Variants in PTPRT observed in about 807,000 individuals in gnomAD.
The protein encoded by PTPRT is receptor-type tyrosine-protein phosphatase T.
A neutral mutation model predicts 176.8 loss-of-function variants in PTPRT; 56 were observed. That is an observed-to-expected ratio of 0.32 (90% CI 0.26 to 0.40). The LOEUF is 0.40. PTPRT is among the 10% of genes least tolerant of loss of function. The probability of loss-of-function intolerance (pLI) is 1.00; values close to 1 mark genes in which losing one functional copy is unlikely to be tolerated. For missense variants in PTPRT, 1,540 were observed against 1,908.2 expected (o/e 0.81, Z 3.60); for synonymous variants, 783 against 739.0 (o/e 1.06, Z -0.96).
chr20:42,819,372 G>A (rs918950855), intron 2 of PTPRT, among the ~76,000 whole-genome samples: 13 of 152,288 alleles, frequency 8.5e-5, no homozygotes, highest in Middle Eastern at 3.4e-3. Context: ...GTTACCACCA[G>A]GCCTGCCATC....
At chr20:42,647,541 C>A (rs1029804817) in intron 7 of PTPRT, among the ~76,000 whole-genome samples, 3 of 152,082 alleles carry the variant, frequency 2.0e-5, no homozygotes, top group Admixed American at 6.6e-5. Context: ...TGAAACCATC[C>A]AATTTGCAAG....
intron 1 of PTPRT, among the ~76,000 whole-genome samples, chr20:43,157,039 T>C (rs909742729): frequency 4.6e-5 from 7 of 152,010 alleles, no homozygotes; most frequent in African/African-American, 9.7e-5. Flanking sequence ...TTTTAAGCCA[T>C]TGGGACACAG....
chr20:42,648,503 T>C (rs1391545163), intron 7 of PTPRT, among the ~76,000 whole-genome samples: 1 of 152,060 alleles, frequency 6.6e-6, no homozygotes, highest in African/African-American at 2.4e-5. Context: ...GGTTCTATCA[T>C]TAAGTGAGAA....
intron 1 of PTPRT, among the ~76,000 whole-genome samples, chr20:43,180,010 A>G (rs1363099473): frequency 6.6e-6 from 1 of 152,192 alleles, no homozygotes; most frequent in African/African-American, 2.4e-5. Flanking sequence ...AGAGATCAGC[A>G]TTTGCACTGG....
chr20:42,844,091 G>A (rs1246082816), intron 2 of PTPRT, among the ~76,000 whole-genome samples: 1 of 152,200 alleles, frequency 6.6e-6, no homozygotes, highest in Non-Finnish European at 1.5e-5. Flanking sequence ...GAGCATCAGA[G>A]AAGGAAAGGC....
At chr20:42,948,028 C>A (rs1174342584) in intron 1 of PTPRT, among the ~76,000 whole-genome samples, 1 of 152,190 alleles carries the variant, frequency 6.6e-6, no homozygotes, top group African/African-American at 2.4e-5. Flanking sequence ...CCCCACTTGA[C>A]TTCTGCAAGG....
intron 2 of PTPRT, among the ~76,000 whole-genome samples, chr20:42,817,724 C>T (rs2145642427): frequency 6.6e-6 from 1 of 152,292 alleles, no homozygotes; most frequent in East Asian, 1.9e-4. Context: ...CAAGATTTGT[C>T]CCCACAGCCC....
intron 12 of PTPRT, among the ~76,000 whole-genome samples, chr20:42,305,096 T>C (rs2057524690): frequency 6.6e-6 from 1 of 152,324 alleles, no homozygotes; most frequent in South Asian, 2.1e-4. Flanking sequence ...CTCCTGCTTG[T>C]AATCCCAGCA....
intron 9 of PTPRT, among the ~76,000 whole-genome samples, chr20:42,434,982 A>G (rs1568875722): frequency 6.7e-6 from 1 of 150,344 alleles, no homozygotes; most frequent in East Asian, 1.9e-4. Flanking sequence ...AAAACAAAAA[A>G]CAAAAAACAA....
chr20:42,829,947 G>A (rs1033396787), intron 2 of PTPRT, among the ~76,000 whole-genome samples: 2 of 151,958 alleles, frequency 1.3e-5, no homozygotes, highest in African/African-American at 4.8e-5. Context: ...AAATTGAATT[G>A]GTAATAAATA....
Position 42,299,927 on chromosome 20 carries a change from G to A in PTPRT, c.2139+15796C>T, listed in dbSNP as rs186903812. ...CTCCCAAAGTGCTGGGATTACAGGC[G>A]TGAGCCACCGCACCCGGCCACTTTT... On this transcript the variant is annotated intron_variant, in intron 12 of 30. Coordinates refer to ENST00000373187, the MANE Select transcript of PTPRT (RefSeq NM_007050.6). 7.6e-3 allele frequency among the ~76,000 whole-genome samples: 1,159 copies of A among 151,596 alleles called. 7 individuals carry two copies. Among genetic ancestry groups the A allele is most frequent in the African/African-American group, 0.026 (1,076 of 41,416 alleles).
intron 1 of PTPRT, among the ~76,000 whole-genome samples, chr20:43,041,763 T>G (rs1309765246): frequency 6.6e-6 from 1 of 152,240 alleles, no homozygotes; most frequent in Non-Finnish European, 1.5e-5. Flanking sequence ...GCCCACTAGC[T>G]TTTTTTGTAA....
At chr20:42,064,660 C>G in the PTPRT span, among the ~76,000 whole-genome samples, 1 of 152,104 alleles carries the variant, frequency 6.6e-6, no homozygotes, top group Non-Finnish European at 1.5e-5. Flanking sequence ...ATTTTCTTAT[C>G]AGTCTTAATA....
chr20:42,606,482 T>C (rs180964481), intron 7 of PTPRT, among the ~76,000 whole-genome samples: 61 of 152,334 alleles, frequency 4.0e-4, no homozygotes, highest in African/African-American at 9.1e-4. Flanking sequence ...CCTGGGGGAA[T>C]GACAGCCGCC....
In PTPRT at chr20:42,118,425, G is replaced by A; in HGVS notation, c.2960C>T (p.Thr987Ile). ...TACCCTGCCCACTTCCACCAGGTTT[G>A]TGACCATGACGATGCTGGCGGAGTT... ...QENSASIVMV[T>I]NLVEVGRVKC... Residue 987 changes from threonine to isoleucine, a missense_variant, in exon 21 of 31, where the codon ACA becomes ATA. By Grantham distance (89) the Thr-to-Ile change is moderately conservative. Around this residue, in one of 11 missense-constraint regions of PTPRT, gnomAD observed 248 missense variants for 356.7 expected, o/e 0.70. Coordinates refer to ENST00000373187, the MANE Select transcript of PTPRT (RefSeq NM_007050.6). 1 of 1,613,108 alleles carries A rather than the reference G, an allele frequency of 6.2e-7. No homozygotes were observed. The highest frequency in any genetic ancestry group is 8.5e-7 in the Non-Finnish European group (1 of 1,179,428).
intron 2 of PTPRT, among the ~76,000 whole-genome samples, chr20:42,826,729 G>A (rs541800431): frequency 6.0e-4 from 91 of 152,210 alleles, no homozygotes; most frequent in Non-Finnish European, 1.0e-3. Context: ...ATGTAAATGG[G>A]CTAAATGTTC....
intron 7 of PTPRT, among the ~76,000 whole-genome samples, chr20:42,597,979 T>C (rs2073703852): frequency 6.6e-6 from 1 of 152,194 alleles, no homozygotes; most frequent in African/African-American, 2.4e-5. Flanking sequence ...TCCCAAAGAA[T>C]TAAGTGGACT....
intron 7 of PTPRT, among the ~76,000 whole-genome samples, chr20:42,616,191 G>A (rs1260298519): frequency 2.4e-5 from 3 of 124,046 alleles, no homozygotes; most frequent in African/African-American, 7.9e-5. Flanking sequence ...TTATTAAATA[G>A]GGAATCCTTT....
chr20:43,177,533 G>A (rs1422024995), intron 1 of PTPRT, among the ~76,000 whole-genome samples: 1 of 152,206 alleles, frequency 6.6e-6, no homozygotes, highest in Admixed American at 6.5e-5. Context: ...GGTGGAACAG[G>A]TGGTCAGCAG....
Sources: allele counts gnomAD v4.1 joint callset (sites outside exome capture counted in the v4.1 genomes callset), GRCh38; gene constraint gnomAD v4.1.1; regional missense constraint gnomAD v4.1.1; transcripts MANE v1.5; gene names NCBI Gene and HGNC (gene_info 2026-07-23, HGNC 2026-07-21).